Variants in MCMBP observed in about 807,000 individuals in gnomAD.
MCMBP encodes mini-chromosome maintenance complex-binding protein.
In MCMBP, 31 loss-of-function variants were observed where a neutral mutation model predicts 81.3. The ratio of observed to expected loss-of-function variants is 0.38; its 90% CI spans 0.29 to 0.51. The LOEUF is 0.51. MCMBP is among the 20% of genes least tolerant of loss of function. MCMBP has a pLI of 0.87. For synonymous variants in MCMBP, 267 were observed against 275.9 expected, an observed-to-expected ratio of 0.97 and a Z score of 0.32; for missense variants, 645 against 772.1, an observed-to-expected ratio of 0.84 and a Z score of 1.95.
chr10:119,868,101 G>C (rs1439048061), intron 1 of MCMBP, among the ~76,000 whole-genome samples: 2 of 152,122 alleles, frequency 1.3e-5, no homozygotes, highest in African/African-American at 4.8e-5. Flanking sequence ...CGAGAATAAT[G>C]ATCTTGGTCT....
chr10:119,830,958 A>G lies in MCMBP; in HGVS notation c.*516T>C, dbSNP rs1852010831. ...TGTGGCCAAACATCTGGGAAATGACAGTACAGAATTTCATGTAGTCATGTG... is the reference window on the plus strand; with the variant it reads ...TGTGGCCAAACATCTGGGAAATGACGGTACAGAATTTCATGTAGTCATGTG... On this transcript the variant is annotated 3_prime_UTR_variant, in exon 16 of 16. Transcript: ENST00000369077. 1 of 152,414 alleles carries G rather than the reference A, an allele frequency of 6.6e-6. No homozygotes were observed. Among genetic ancestry groups the G allele is most frequent in the Admixed American group, 6.5e-5 (1 of 15,286 alleles). The allele number at this position is 152,414 out of a possible 1,614,324, so 9.4% of individuals were successfully genotyped here.
intron 13 of MCMBP, 136 bp from the exon 14 acceptor site, chr10:119,835,840 T>C: frequency 1.1e-6 from 1 of 950,680 alleles, no homozygotes; most frequent in Non-Finnish European, 1.6e-6. Context: ...GGGAATAATG[T>C]TTTTTTTTCT....
chr10:119,859,080 C>A lies in MCMBP; in HGVS notation c.246G>T (p.Met82Ile). ...TTTGGTTAACCGTTTCATAAACTCC[C>A]ATGTAAAACTCAGGGTCAAACATAT... is the stretch of plus-strand genomic sequence containing the variant. ...IQDMFDPEFYMGVYETVNQNT... is the reference protein window; with the variant it reads ...IQDMFDPEFYIGVYETVNQNT... The change falls in exon 3 of 16, where the codon ATG (methionine) becomes ATT (isoleucine). Residue 82 changes from methionine to isoleucine, a missense_variant. By Grantham distance (10) the Met-to-Ile change is conservative. Transcript: ENST00000369077. The A allele has an allele frequency of 6.2e-7, 1 of 1,613,856 alleles. No individual in the cohort carries two copies. Among genetic ancestry groups the A allele is most frequent in the Non-Finnish European group, 8.5e-7 (1 of 1,179,880 alleles).
chr10:119,844,163 T>TA (rs1341143411), intron 8 of MCMBP, among the ~76,000 whole-genome samples: 1 of 152,186 alleles, frequency 6.6e-6, no homozygotes, highest in Non-Finnish European at 1.5e-5. Context: ...ATTCATCTCT[T>TA]ATCTTGCTAA....
intron 1 of MCMBP, 33 bp from the exon 2 acceptor site, chr10:119,859,917 T>C (rs1305670069): frequency 6.8e-7 from 1 of 1,469,162 alleles, no homozygotes; most frequent in South Asian, 1.2e-5. Flanking sequence ...AAAGCTAATG[T>C]ACATGCAATA....
intron 14 of MCMBP, among the ~76,000 whole-genome samples, chr10:119,832,852 G>C (rs1330815106): frequency 6.6e-6 from 1 of 152,184 alleles, no homozygotes; most frequent in Non-Finnish European, 1.5e-5. Context: ...GCGGCAGACA[G>C]ACTAACCCAA....
chr10:119,857,097 CAAAAAA>C (rs34331152), intron 5 of MCMBP, among the ~76,000 whole-genome samples: 2 of 82,470 alleles, frequency 2.4e-5, no homozygotes, highest in African/African-American at 5.1e-5. Context: ...GTCCCTATCT[CAAAAAA>C]AAAAAAAAAA....
intron 1 of MCMBP, among the ~76,000 whole-genome samples, chr10:119,866,300 A>C (rs944479442): frequency 4.6e-5 from 7 of 152,098 alleles, no homozygotes; most frequent in African/African-American, 1.7e-4. Context: ...AGAGACTACT[A>C]AAGGTATGGG....
In MCMBP at chr10:119,847,587, AC is replaced by A. The variant is rs1488152712; in HGVS notation, c.827+25del. ...TTGAAATTATATAAAAATAAAGGAG[AC>A]CAAAAAAAGAGCACACAGACTCACC... On this transcript the variant is annotated intron_variant, in intron 8 of 15. Transcript: ENST00000369077. 6 of 1,391,734 alleles carry A rather than the reference AC, an allele frequency of 4.3e-6. No homozygotes were observed. The African/African-American group carries it at 5.8e-5, about 13-fold the overall frequency. The allele number at this position is 1,391,734 out of a possible 1,614,324, so 86.2% of individuals were successfully genotyped here.
rs1852007606 is a variant in MCMBP, at chr10:119,830,906, A to T, written c.*568T>A. ...TACAAGTTTAGTTTTGCAGGCTGTT[A>T]ACAAATGTTAAGTGGGAAAAAGTTT... is the stretch of plus-strand genomic sequence containing the variant. On this transcript the variant is annotated 3_prime_UTR_variant, in exon 16 of 16. Coordinates refer to ENST00000369077, the MANE Select transcript of MCMBP (RefSeq NM_001256378.2). 1 of 152,106 alleles carries T rather than the reference A, an allele frequency of 6.6e-6. No homozygotes were observed. Among genetic ancestry groups the T allele is most frequent in the South Asian group, 2.1e-4 (1 of 4,828 alleles). 9.4% of individuals were successfully genotyped at this position (152,106 alleles called of 1,614,324 possible). A position where few individuals can be genotyped will look rare whatever the true frequency, so the allele number is the denominator to read the frequency against.
In MCMBP at chr10:119,843,406, TC is replaced by T; in HGVS notation, c.847del (p.Asp283IlefsTer21). 1.2e-6 allele frequency: 2 copies of T among 1,613,888 alleles called. No homozygotes were observed. Among genetic ancestry groups the T allele is most frequent in the Non-Finnish European group, 8.5e-7 (1 of 1,179,840 alleles). ...TGCTGTGTCTGTGCACTCCATCGGA[TC>T]CAGCAGTGCAGAGGCATCCCTGTGG... ...NDERDASALL[D>X]PMECTDTAEE... On this transcript the variant is annotated frameshift_variant, in exon 9 of 16. Transcript: ENST00000369077. LOFTEE classifies it high-confidence loss of function.
At chr10:119,836,849 A>AC in intron 13 of MCMBP, 47 bp downstream of exon 13, 1 of 1,366,772 alleles carries the variant, frequency 7.3e-7, no homozygotes, top group East Asian at 2.8e-5. Context: ...AAATGTAGGT[A>AC]TTTTTCCAAT....
At chr10:119,831,688 AAC>A (rs1278627997) in intron 15 of MCMBP, 88 bp from the exon 16 acceptor site, 4 of 1,456,422 alleles carry the variant, frequency 2.7e-6, no homozygotes, top group African/African-American at 1.4e-5. Flanking sequence ...ACTTTGTGAA[AAC>A]ACAGAGCACG....
At position 119,837,028 on chromosome 10, in the gene MCMBP, A is replaced by G; in HGVS notation, c.1410T>C (p.Gly470=). ...TGCTCAGGGCTGTCACATTATGAAC[A>G]CCTACAAAGGCAGGAAAACACTTTC... is the stretch of plus-strand genomic sequence containing the variant. ...LLEQGQLDTP[G]VHNVTALSNL... The change falls in exon 13 of 16, where the codon GGT becomes GGC. Residue 470 remains glycine, a splice_region_variant and synonymous_variant. Coordinates refer to ENST00000369077, the MANE Select transcript of MCMBP (RefSeq NM_001256378.2). 1 of 1,611,926 alleles carries G rather than the reference A, an allele frequency of 6.2e-7. No individual in the cohort carries two copies. The highest frequency in any genetic ancestry group is 1.3e-5 in the African/African-American group (1 of 74,888).
chr10:119,836,317 G>T (rs1362444931), intron 13 of MCMBP, among the ~76,000 whole-genome samples: 1 of 152,114 alleles, frequency 6.6e-6, no homozygotes, highest in African/African-American at 2.4e-5. Flanking sequence ...ACATATCCTT[G>T]AGCCATTTCA....
At chr10:119,834,133 T>C (rs1852151326) in intron 14 of MCMBP, among the ~76,000 whole-genome samples, 1 of 152,154 alleles carries the variant, frequency 6.6e-6, no homozygotes, top group African/African-American at 2.4e-5. Flanking sequence ...ACAGTGGTAG[T>C]GTCAGAAGGA....
chr10:119,847,614 T>G lies in MCMBP; in HGVS notation c.826A>C (p.Arg276=). 1 of 1,580,794 alleles carries G rather than the reference T, an allele frequency of 6.3e-7. No homozygotes were observed. The highest frequency in any genetic ancestry group is 8.7e-7 in the Non-Finnish European group (1 of 1,155,266). Residue 276 remains arginine, a splice_region_variant and synonymous_variant, in exon 8 of 16, where the codon AGG becomes CGG. Coordinates refer to ENST00000369077, the MANE Select transcript of MCMBP (RefSeq NM_001256378.2). ...PVLSILNNDE[R]DASALLDPME... ...CAAAAAAAGAGCACACAGACTCACC[T>G]TTCATCATTATTCAGTATACTCAGC...
intron 5 of MCMBP, among the ~76,000 whole-genome samples, chr10:119,856,313 C>G (rs745645144): frequency 6.6e-6 from 1 of 152,092 alleles, no homozygotes; most frequent in Non-Finnish European, 1.5e-5. Context: ...AGCTTAAAAC[C>G]GTAAATAACC....
At chr10:119,851,970 T>A (rs1256437347) in intron 6 of MCMBP, among the ~76,000 whole-genome samples, 1 of 151,732 alleles carries the variant, frequency 6.6e-6, no homozygotes, top group Non-Finnish European at 1.5e-5. Flanking sequence ...CTGACCAACA[T>A]GGAGAAACCC....
Sources: gnomAD v4.1 joint callset for allele counts (sites outside exome capture counted in the v4.1 genomes callset) on GRCh38, gnomAD v4.1.1 for gene constraint, MANE v1.5 for transcripts, NCBI Gene and HGNC (gene_info 2026-07-23, HGNC 2026-07-21) for gene names.